Variants in METTL15 observed in about 807,000 individuals in gnomAD.
The protein encoded by METTL15 is 12S rRNA N(4)-cytidine methyltransferase METTL15.
A neutral mutation model predicts 38.3 loss-of-function variants in METTL15; 34 were observed. The observed-to-expected ratio is 0.89, with a 90% CI of 0.68 to 1.18. The LOEUF (loss-of-function observed/expected upper bound fraction) is 1.18. Ranked by LOEUF, METTL15 falls within the 50% of genes most tolerant of loss-of-function variation. METTL15 has a pLI of 0.00. For synonymous variants in METTL15, 162 were observed against 170.9 expected (o/e 0.95, Z 0.41); for missense variants, 438 against 498.4 (o/e 0.88, Z 1.15).
chr11:28,153,057 G>C (rs894707077), intron 3 of METTL15, among the ~76,000 whole-genome samples: 1 of 152,016 alleles, frequency 6.6e-6, no homozygotes, highest in African/African-American at 2.4e-5. Context: ...TGTGCAGTGA[G>C]GGGGACCAGA....
intron 3 of METTL15, among the ~76,000 whole-genome samples, chr11:28,167,976 A>C (rs1469146109): frequency 6.6e-6 from 1 of 152,124 alleles, no homozygotes; most frequent in African/African-American, 2.4e-5. Flanking sequence ...GGAATGCACC[A>C]GTCCATTTTT....
exon 5 of METTL15, chr11:28,361,983 G>A (rs1850143572): frequency 1.3e-5 from 2 of 152,212 alleles, no homozygotes; most frequent in South Asian, 4.1e-4. Flanking sequence ...TCATCTCAGT[G>A]TCAGCTTCCT....
At chr11:28,192,072 TTTTGTGTCTATC>T (rs1394212368) in intron 3 of METTL15, among the ~76,000 whole-genome samples, 1 of 151,858 alleles carries the variant, frequency 6.6e-6, no homozygotes, top group Admixed American at 6.6e-5. Flanking sequence ...CTAAAGTTTC[TTTTGTGTCTATC>T]TGTGTGTCTT....
At chr11:28,271,433 G>A (rs1487742619) in intron 4 of METTL15, among the ~76,000 whole-genome samples, 1 of 152,074 alleles carries the variant, frequency 6.6e-6, no homozygotes, top group Non-Finnish European at 1.5e-5. Context: ...ATTGACATTG[G>A]TTGATACTAA....
intron 6 of METTL15, among the ~76,000 whole-genome samples, chr11:28,442,003 G>A (rs1851038732): frequency 6.6e-6 from 1 of 152,226 alleles, no homozygotes; most frequent in South Asian, 2.1e-4. Flanking sequence ...GTAGGAAGAA[G>A]AGATTTAAAT....
chr11:28,394,198 T>C (rs1198646819), intron 5 of METTL15, among the ~76,000 whole-genome samples: 2 of 152,002 alleles, frequency 1.3e-5, no homozygotes, highest in Non-Finnish European at 2.9e-5. Context: ...AGGAACAATC[T>C]TGAGCAATTA....
rs1687475488 is a variant in METTL15, at chr11:28,332,329, TA to T, written c.*1489del. The T allele has an allele frequency of 6.6e-6, 1 of 152,180 alleles. No homozygotes were observed. The highest frequency in any genetic ancestry group is 2.4e-5 in the African/African-American group (1 of 41,444). The allele number at this position is 152,180 out of a possible 1,614,324, so 9.4% of individuals were successfully genotyped here. A position where few individuals can be genotyped will look rare whatever the true frequency, so the allele number is the denominator to read the frequency against. ...AACATTGTATAAATTTCTCTTTGCA[TA>T]TAATACATATTTGTGAATGAGACAT... is the stretch of plus-strand genomic sequence containing the variant. On this transcript the variant is annotated 3_prime_UTR_variant, in exon 7 of 7. Coordinates refer to ENST00000407364, the MANE Select transcript of METTL15 (RefSeq NM_001113528.2).
At chr11:28,356,599 A>G (rs1850092214) in intron 4 of METTL15, among the ~76,000 whole-genome samples, 1 of 152,220 alleles carries the variant, frequency 6.6e-6, no homozygotes, top group Non-Finnish European at 1.5e-5. Flanking sequence ...TAACTGGGGC[A>G]GACAATAGCC....
chr11:28,193,108 C>T (rs913982478), intron 3 of METTL15, among the ~76,000 whole-genome samples: 15 of 152,012 alleles, frequency 9.9e-5, no homozygotes, highest in African/African-American at 3.4e-4. Flanking sequence ...CATTCTATCT[C>T]AGGAGAATAC....
chr11:28,134,068 G>C (rs1849432797), intron 3 of METTL15, among the ~76,000 whole-genome samples: 1 of 152,136 alleles, frequency 6.6e-6, no homozygotes, highest in Non-Finnish European at 1.5e-5. Context: ...CAAAGAACAG[G>C]AAAGATATTC....
At chr11:28,237,678 C>T (rs542024576) in intron 4 of METTL15, among the ~76,000 whole-genome samples, 2 of 152,300 alleles carry the variant, frequency 1.3e-5, no homozygotes, top group South Asian at 4.2e-4. Flanking sequence ...GAGAGGCGCT[C>T]TGTTTTTTAG....
rs372603068 is a variant in METTL15 at position 28,484,874 on chromosome 11, T to C, written c.*425-41604T>C. Among the ~76,000 whole-genome samples, 5 of 152,070 alleles carry C rather than the reference T, an allele frequency of 3.3e-5. No individual in the cohort carries two copies. In the South Asian group the frequency reaches 1.0e-3, roughly 32 times the overall value. ...ACAGTCTGGCCGTCCCACACCAGGG[T>C]TTAATGGCCTACCTTCTGTTGCTGT... On this transcript the variant is annotated intron_variant and NMD_transcript_variant, in intron 6 of 7. Transcript: ENST00000532947.
intron 5 of METTL15, among the ~76,000 whole-genome samples, chr11:28,388,604 A>G (rs1850465934): frequency 6.6e-6 from 1 of 152,162 alleles, no homozygotes; most frequent in East Asian, 1.9e-4. Flanking sequence ...ATTACAAGAC[A>G]ATATTGTTAA....
intron 4 of METTL15, among the ~76,000 whole-genome samples, chr11:28,244,500 C>G (rs945253062): frequency 6.6e-6 from 1 of 151,998 alleles, no homozygotes; most frequent in Non-Finnish European, 1.5e-5. Flanking sequence ...CCCCCAGTCT[C>G]TCAGGTCAAT....
chr11:28,149,775 A>G (rs1038112727), intron 3 of METTL15, among the ~76,000 whole-genome samples: 10 of 151,880 alleles, frequency 6.6e-5, no homozygotes, highest in Admixed American at 3.3e-4. Context: ...TATTTTCGAT[A>G]CAAAAAGGCC....
chr11:28,128,593 T>G (rs1347775282), intron 3 of METTL15, among the ~76,000 whole-genome samples: 1 of 152,100 alleles, frequency 6.6e-6, no homozygotes, highest in Non-Finnish European at 1.5e-5. Flanking sequence ...ATGGACATTT[T>G]ATATGAATCT....
chr11:28,469,257 C>CA (rs1214931591), intron 6 of METTL15, among the ~76,000 whole-genome samples: 1 of 2,196 alleles, frequency 4.6e-4, no homozygotes, highest in East Asian at 0.5. Flanking sequence ...TTCTGATTGA[C>CA]CTTTTTCCCC....
At chr11:28,421,387 A>C (rs1850819035) in intron 5 of METTL15, among the ~76,000 whole-genome samples, 1 of 152,030 alleles carries the variant, frequency 6.6e-6, no homozygotes, top group Non-Finnish European at 1.5e-5. Context: ...CCCTGCTACC[A>C]AAACAAAAGA....
At chr11:28,424,694 A>C (rs1850849572) in intron 6 of METTL15, among the ~76,000 whole-genome samples, 1 of 152,102 alleles carries the variant, frequency 6.6e-6, no homozygotes. Context: ...GTTGGGAGAG[A>C]GCCATTAGGC....
Sources: allele counts gnomAD v4.1 joint callset (sites outside exome capture counted in the v4.1 genomes callset), GRCh38; gene constraint gnomAD v4.1.1; transcripts MANE v1.5; gene names NCBI Gene and HGNC (gene_info 2026-07-23, HGNC 2026-07-21).